The following SND1 variants were observed in gnomAD, a reference collection of about 807,000 sequenced individuals.
SND1 encodes the protein staphylococcal nuclease domain-containing protein 1.
SND1 carries 38 observed loss-of-function variants against 121.7 expected under a neutral mutation model. The observed-to-expected ratio is 0.31, with a 90% CI of 0.24 to 0.41. The LOEUF is 0.41. SND1 is among the 10% of genes least tolerant of loss of function. SND1 has a pLI of 1.00. For missense variants in SND1, 868 were observed against 1,184.6 expected, an observed-to-expected ratio of 0.73 and a Z score of 3.92; for synonymous variants, 401 against 447.4, an observed-to-expected ratio of 0.90 and a Z score of 1.31.
At chr7:127,894,995 T>C (rs539278798) in intron 13 of SND1, among the ~76,000 whole-genome samples, 6 of 151,996 alleles carry the variant, frequency 3.9e-5, no homozygotes, top group Non-Finnish European at 7.4e-5. Flanking sequence ...TTCTTACCTG[T>C]TTTCTTAGCC....
chr7:127,913,912 A>G (rs1800512591), intron 14 of SND1, among the ~76,000 whole-genome samples: 1 of 152,188 alleles, frequency 6.6e-6, no homozygotes, highest in Non-Finnish European at 1.5e-5. Flanking sequence ...GTCTTTATTT[A>G]GCATGCTTAC....
chr7:127,675,286 T>C (rs1562974559), intron 1 of SND1, among the ~76,000 whole-genome samples: 2 of 152,232 alleles, frequency 1.3e-5, no homozygotes, highest in South Asian at 4.1e-4. Flanking sequence ...CAATAGTATA[T>C]GTTTGATTCC....
rs919934225 is a variant in SND1 at position 127,918,742 on chromosome 7, T to C, written c.1528-10446T>C. Among the ~76,000 whole-genome samples, 9 of 152,342 alleles carry C rather than the reference T, an allele frequency of 5.9e-5. No homozygotes were observed. The East Asian group carries it at 1.5e-3, about 26-fold the overall frequency. On this transcript the variant is annotated intron_variant, in intron 14 of 23. Coordinates refer to ENST00000354725, the MANE Select transcript of SND1 (RefSeq NM_014390.4). ...ATGTTGGGGTTGTTTTATTGTTTTT[T>C]CTTCTCATAAACATTTGTTCCTTCA...
intron 16 of SND1, among the ~76,000 whole-genome samples, chr7:128,011,492 C>T (rs1453566767): frequency 6.6e-6 from 1 of 152,188 alleles, no homozygotes; most frequent in African/African-American, 2.4e-5. Context: ...TTTTCCTTGG[C>T]TCTTTTATTG....
chr7:127,861,848 C>T lies in SND1; in HGVS notation c.1343+17424C>T, dbSNP rs1196467512. Among the ~76,000 whole-genome samples, 3 of 152,148 alleles carry T rather than the reference C, an allele frequency of 2.0e-5. No homozygotes were observed. In the East Asian group the frequency reaches 5.8e-4, roughly 29 times the overall value. On this transcript the variant is annotated intron_variant, in intron 12 of 23. Transcript: ENST00000354725. ...GTAGAAGTCTGGAGGCCGTGATTTT[C>T]ACATCCAGGAACTCAAGGGAAGAAT...
At chr7:127,811,197 G>A (rs1225261390) in intron 11 of SND1, among the ~76,000 whole-genome samples, 1 of 152,184 alleles carries the variant, frequency 6.6e-6, no homozygotes, top group Non-Finnish European at 1.5e-5. Context: ...TAGGCACTTA[G>A]AATTGGGCAT....
At chr7:127,909,745 T>C (rs979042387) in intron 14 of SND1, among the ~76,000 whole-genome samples, 4 of 152,148 alleles carry the variant, frequency 2.6e-5, no homozygotes, top group Admixed American at 6.5e-5. Flanking sequence ...AATTAAGCCA[T>C]GGTTTGGAAT....
intron 9 of SND1, among the ~76,000 whole-genome samples, chr7:127,709,941 A>G (rs558703602): frequency 6.6e-6 from 1 of 152,278 alleles, no homozygotes; most frequent in South Asian, 2.1e-4. Context: ...GAAGATAAGC[A>G]TAAATACCCA....
intron 15 of SND1, among the ~76,000 whole-genome samples, chr7:127,968,250 G>C (rs1276869775): frequency 6.6e-6 from 1 of 152,150 alleles, no homozygotes; most frequent in Non-Finnish European, 1.5e-5. Context: ...TTATCCTTCT[G>C]CTGGCAAATT....
chr7:128,059,478 A>C (rs532058726), intron 16 of SND1, among the ~76,000 whole-genome samples: 1 of 152,342 alleles, frequency 6.6e-6, no homozygotes, highest in East Asian at 1.9e-4. Flanking sequence ...ATTAAAGTGA[A>C]TGTTAGGTCT....
chr7:127,773,791 A>T (rs1019157986), intron 10 of SND1, among the ~76,000 whole-genome samples: 2 of 152,326 alleles, frequency 1.3e-5, no homozygotes, highest in Middle Eastern at 3.4e-3. Flanking sequence ...AATGAAGGTG[A>T]CATTATTTGG....
At chr7:127,786,655 G>GT (rs1797817294) in intron 10 of SND1, among the ~76,000 whole-genome samples, 2 of 151,958 alleles carry the variant, frequency 1.3e-5, no homozygotes, top group Admixed American at 6.6e-5. Context: ...TTGTTTGTTT[G>GT]TTTTTTGAGA....
intron 16 of SND1, among the ~76,000 whole-genome samples, chr7:128,067,245 T>C (rs1793331993): frequency 6.6e-6 from 1 of 152,208 alleles, no homozygotes; most frequent in African/African-American, 2.4e-5. Flanking sequence ...AGAGGCAGGA[T>C]TGGCACCTGG....
intron 1 of SND1, among the ~76,000 whole-genome samples, chr7:127,656,106 C>G (rs1055387579): frequency 2.0e-5 from 3 of 151,980 alleles, no homozygotes; most frequent in Admixed American, 6.5e-5. Context: ...ACTGGGTGAC[C>G]AAAGCAAAGG....
chr7:127,814,780 C>A (rs1457460897), intron 11 of SND1, among the ~76,000 whole-genome samples: 1 of 152,114 alleles, frequency 6.6e-6, no homozygotes, highest in Middle Eastern at 3.2e-3. Flanking sequence ...TTGAATATTT[C>A]TTTCCCAAGG....
At chr7:127,656,737 C>T (rs551735332) in intron 1 of SND1, among the ~76,000 whole-genome samples, 11 of 152,316 alleles carry the variant, frequency 7.2e-5, no homozygotes, top group African/African-American at 2.4e-4. Flanking sequence ...AACAGAGGGA[C>T]TGGCTATGTT....
At chr7:127,923,603 A>G (rs949005320) in intron 14 of SND1, among the ~76,000 whole-genome samples, 1 of 152,226 alleles carries the variant, frequency 6.6e-6, no homozygotes. Context: ...TCATAAACTC[A>G]TTCTGTGAAT....
intron 10 of SND1, among the ~76,000 whole-genome samples, chr7:127,772,978 C>G (rs1210806781): frequency 6.6e-6 from 1 of 152,050 alleles, no homozygotes; most frequent in Non-Finnish European, 1.5e-5. Flanking sequence ...TGATGGTCAC[C>G]AAGTTTTTAT....
chr7:127,862,435 T>C (rs1355851119), intron 12 of SND1, among the ~76,000 whole-genome samples: 1 of 152,168 alleles, frequency 6.6e-6, no homozygotes, highest in East Asian at 1.9e-4. Context: ...CATTCTCTCT[T>C]TCCCCTGTAA....
Sources: gnomAD v4.1 joint callset for allele counts (sites outside exome capture counted in the v4.1 genomes callset) on GRCh38, gnomAD v4.1.1 for gene constraint, MANE v1.5 for transcripts, NCBI Gene and HGNC (gene_info 2026-07-23, HGNC 2026-07-21) for gene names.